MAP3K14: variants seen among roughly 807,000 people sequenced by gnomAD.
MAP3K14 encodes the protein NF-kappa-beta-inducing kinase.
In MAP3K14, 16 loss-of-function variants were observed where a neutral mutation model predicts 99.2. The ratio of observed to expected loss-of-function variants is 0.16; its 90% confidence interval spans 0.11 to 0.24. The LOEUF (loss-of-function observed/expected upper bound fraction) is 0.24, where lower values mean the gene tolerates loss of function less well. MAP3K14 is among the 10% of genes least tolerant of loss of function. MAP3K14 has a pLI of 1.00. For missense variants in MAP3K14, 784 were observed against 1,208.7 expected (o/e 0.65, Z 5.21); for synonymous variants, 462 against 492.4 (o/e 0.94, Z 0.82).
At chr17:45,305,190 C>T (rs372586055) in intron 1 of MAP3K14, among the ~76,000 whole-genome samples, 2 of 151,992 alleles carry the variant, frequency 1.3e-5, no homozygotes, top group Non-Finnish European at 1.5e-5. Flanking sequence ...CTCTGCCTGC[C>T]GGGTTTACAC....
intron 1 of MAP3K14, among the ~76,000 whole-genome samples, chr17:45,315,252 C>T (rs2044520693): frequency 6.6e-6 from 1 of 151,822 alleles, no homozygotes. Flanking sequence ...GGTGCCGCTC[C>T]CACAAACTCT....
intron 9 of MAP3K14, among the ~76,000 whole-genome samples, chr17:45,271,711 G>A (rs544316018): frequency 3.5e-4 from 54 of 152,288 alleles, no homozygotes; most frequent in African/African-American, 1.3e-3. Context: ...GAGCTAGGCG[G>A]GGACTCTGCT....
rs777915925 is a variant in MAP3K14, at chr17:45,271,211, G to T, written c.1668C>A (p.Ile556=). The change falls in exon 10 of 16, where the codon ATC becomes ATA. Residue 556 remains isoleucine (I), a synonymous_variant. Transcript: ENST00000344686. ...GAGCCATGTGGGTCTCTGTGCCAGG[G>T]ATGTAGTCCCCTGAGAAGGGGGATG... ...LGKSLLTGDY[I]PGTETHMAPE... is the part of the protein sequence containing the mutation. 1 of 1,608,466 alleles carries T rather than the reference G, an allele frequency of 6.2e-7. No homozygotes were observed. Among genetic ancestry groups the T allele is most frequent in the Non-Finnish European group, 8.5e-7 (1 of 1,178,402 alleles).
At chr17:45,294,480 T>C (rs1050031053) in intron 1 of MAP3K14, among the ~76,000 whole-genome samples, 1 of 152,230 alleles carries the variant, frequency 6.6e-6, no homozygotes, top group African/African-American at 2.4e-5. Context: ...CAGGGAAGAC[T>C]TGGTCCATAG....
At chr17:45,314,044 T>G (rs1285734159) in intron 1 of MAP3K14, among the ~76,000 whole-genome samples, 1 of 152,134 alleles carries the variant, frequency 6.6e-6, no homozygotes, top group Non-Finnish European at 1.5e-5. Context: ...AGCTGAGGGA[T>G]TAAGACATGT....
intron 6 of MAP3K14, among the ~76,000 whole-genome samples, chr17:45,278,913 C>T (rs1279576367): frequency 6.6e-6 from 1 of 152,106 alleles, no homozygotes; most frequent in East Asian, 1.9e-4. Context: ...ATTCTCCCAC[C>T]TCGGCCTCCA....
At chr17:45,316,530 A>G (rs1427122980) in intron 1 of MAP3K14, among the ~76,000 whole-genome samples, 1 of 152,094 alleles carries the variant, frequency 6.6e-6, no homozygotes, top group Non-Finnish European at 1.5e-5. Flanking sequence ...AAAGGCCGGG[A>G]GGGTTTCACG....
intron 1 of MAP3K14, among the ~76,000 whole-genome samples, chr17:45,292,804 A>G (rs1272135909): frequency 6.6e-6 from 1 of 152,238 alleles, no homozygotes; most frequent in East Asian, 1.9e-4. Flanking sequence ...GCAGTAGGGA[A>G]TGCTCACAGG....
chr17:45,291,306 G>T (rs1482575701), intron 1 of MAP3K14, among the ~76,000 whole-genome samples: 1 of 152,070 alleles, frequency 6.6e-6, no homozygotes, highest in Non-Finnish European at 1.5e-5. Context: ...CTGTGTGTGT[G>T]TGTGTGTGTG....
chr17:45,287,794 G>T (rs1483710465), intron 3 of MAP3K14, among the ~76,000 whole-genome samples: 2 of 152,120 alleles, frequency 1.3e-5, no homozygotes, highest in African/African-American at 4.8e-5. Context: ...CTCATGGCAG[G>T]CCTCTCAGCT....
chr17:45,278,663 G>C (rs191787113), intron 6 of MAP3K14, among the ~76,000 whole-genome samples: 2 of 151,328 alleles, frequency 1.3e-5, no homozygotes, highest in East Asian at 1.9e-4. Context: ...CCTCCTGAAG[G>C]CCTTTCCATG....
chr17:45,273,719 C>G, intron 8 of MAP3K14, 112 bp from the exon 9 acceptor site: 1 of 781,590 alleles, frequency 1.3e-6, no homozygotes, highest in South Asian at 1.5e-5. Context: ...GCTGACCCTA[C>G]GTGGCAGCTG....
At chr17:45,282,760 C>T (rs1422799451) in intron 6 of MAP3K14, among the ~76,000 whole-genome samples, 2 of 152,244 alleles carry the variant, frequency 1.3e-5, no homozygotes, top group South Asian at 2.1e-4. Context: ...ATCCGATGTG[C>T]AGCCTGACCT....
chr17:45,270,339 CCTGCGCCCA>C (rs2044132720), intron 11 of MAP3K14, 65 bp downstream of exon 11: 1 of 1,536,556 alleles, frequency 6.5e-7, no homozygotes, highest in East Asian at 2.4e-5. Flanking sequence ...TTGCTCTGGA[CCTGCGCCCA>C]CCTGCCTCCT....
Position 45,271,066 on chromosome 17 carries a change from A to G in MAP3K14, c.1813T>C (p.Cys605Arg). The G allele has an allele frequency of 6.2e-7, 1 of 1,612,816 alleles. No homozygotes were observed. Residue 605 changes from cysteine to arginine, a missense_variant, in exon 10 of 16, where the codon TGC becomes CGC. Around this residue, in one of 5 missense-constraint regions of MAP3K14, gnomAD observed 200 missense variants for 367.9 expected, o/e 0.54. Coordinates refer to ENST00000344686, the MANE Select transcript of MAP3K14 (RefSeq NM_003954.5). ...TGGGTGCCGTCACCGACCTTGAGGC[A>G]GAGCGGCCCTCGGAAGAACTGAGTC... Reference protein sequence around the residue: ...PWTQFFRGPLCLKIASEPPPV... With the variant: ...PWTQFFRGPLRLKIASEPPPV...
Position 45,290,623 on chromosome 17 carries a change from C to T in MAP3K14, c.123G>A (p.Lys41=). 1 of 1,613,754 alleles carries T rather than the reference C, an allele frequency of 6.2e-7. No individual in the cohort carries two copies. The highest frequency in any genetic ancestry group is 8.5e-7 in the Non-Finnish European group (1 of 1,179,858). Residue 41 remains lysine (K), a synonymous_variant, in exon 2 of 16, where the codon AAG becomes AAA. Coordinates refer to ENST00000344686, the MANE Select transcript of MAP3K14 (RefSeq NM_003954.5). ...PLGKKQSSVY[K]LEAVEKSPVF... Reference sequence around the variant, plus strand: ...CAGGGCTCTTCTCCACGGCCTCAAGCTTGTAGACGGAGCTCTGTTTCTTCC... The same window carrying T: ...CAGGGCTCTTCTCCACGGCCTCAAGTTTGTAGACGGAGCTCTGTTTCTTCC...
At chr17:45,296,626 A>G (rs567325525) in intron 1 of MAP3K14, among the ~76,000 whole-genome samples, 3 of 152,294 alleles carry the variant, frequency 2.0e-5, no homozygotes, top group African/African-American at 7.2e-5. Flanking sequence ...AGGCAGACTC[A>G]GAAGTCCCCA....
chr17:45,270,821 G>A lies in MAP3K14; in HGVS notation c.1821+237C>T, dbSNP rs575531281. The A allele has an allele frequency of 4.8e-4, 361 of 755,450 alleles. 1 individual carries two copies. In the African/African-American group the frequency reaches 5.8e-3, roughly 12 times the overall value. 46.8% of individuals were successfully genotyped at this position (755,450 alleles called of 1,614,324 possible). Reference sequence around the variant, plus strand: ...GCCCGTTAGGAGGCAGGTGGATGGGGCCCAGGGTATGGACAGAAGAGAGTT... The same window carrying A: ...GCCCGTTAGGAGGCAGGTGGATGGGACCCAGGGTATGGACAGAAGAGAGTT... On this transcript the variant is annotated intron_variant, in intron 10 of 15. Coordinates refer to ENST00000344686, the MANE Select transcript of MAP3K14 (RefSeq NM_003954.5).
At chr17:45,271,750 C>G (rs1049456055) in intron 9 of MAP3K14, among the ~76,000 whole-genome samples, 2 of 152,202 alleles carry the variant, frequency 1.3e-5, no homozygotes, top group Admixed American at 1.3e-4. Flanking sequence ...ACAGAGCATC[C>G]ATGATGTGGA....
Sources: allele counts gnomAD v4.1 joint callset (sites outside exome capture counted in the v4.1 genomes callset), GRCh38; gene constraint gnomAD v4.1.1; regional missense constraint gnomAD v4.1.1; transcripts MANE v1.5; gene names NCBI Gene and HGNC (gene_info 2026-07-23, HGNC 2026-07-21).